Variants in EML6 observed in about 807,000 individuals in gnomAD.
EML6 encodes the protein EMAP like 6.
A neutral mutation model predicts 240.1 loss-of-function variants in EML6; 154 were observed. The observed-to-expected ratio is 0.64, with a 90% confidence interval of 0.56 to 0.73. The LOEUF (loss-of-function observed/expected upper bound fraction) is 0.73. EML6 is among the 30% of genes least tolerant of loss of function. EML6 has a pLI of 0.00. For synonymous variants in EML6, 1,148 were observed against 899.0 expected (o/e 1.28, Z -4.95); for missense variants, 2,964 against 2,474.6 (o/e 1.20, Z -4.20).
intron 2 of EML6, among the ~76,000 whole-genome samples, chr2:54,764,186 C>G (rs1668090188): frequency 6.6e-6 from 1 of 152,198 alleles, no homozygotes; most frequent in African/African-American, 2.4e-5. Context: ...TAGACAGCGG[C>G]CATTTATGCT....
rs529986706 is a variant in EML6, at chr2:54,885,778, A to G, written c.2439-5276A>G. Among the ~76,000 whole-genome samples, 10 of 151,940 alleles carry G rather than the reference A, an allele frequency of 6.6e-5. No individual in the cohort carries two copies. The South Asian group carries it at 2.1e-3, about 32-fold the overall frequency. On this transcript the variant is annotated intron_variant, in intron 17 of 41. Coordinates refer to ENST00000356458, the MANE Select transcript of EML6 (RefSeq NM_001039753.4). ...AGGCGCCAGCCACCGCGCCCGGCTA[A>G]TTTTTTGTATTTTTAGTAGAGATGG...
chr2:54,803,864 T>C (rs553348170), intron 2 of EML6, among the ~76,000 whole-genome samples: 35 of 152,322 alleles, frequency 2.3e-4, no homozygotes, highest in African/African-American at 7.7e-4. Flanking sequence ...CTCCCTGTGG[T>C]GCTGACTCTC....
At chr2:54,879,433 T>C (rs1217055385) in intron 16 of EML6, 114 bp from the exon 17 acceptor site, 2 of 689,914 alleles carry the variant, frequency 2.9e-6, no homozygotes, top group African/African-American at 1.8e-5. Flanking sequence ...ATCACATCCA[T>C]CACCTCAAAT....
intron 2 of EML6, among the ~76,000 whole-genome samples, chr2:54,752,048 G>A (rs1167723282): frequency 1.3e-5 from 2 of 152,088 alleles, no homozygotes; most frequent in East Asian, 3.8e-4. Context: ...TTAAGGATGA[G>A]TGCACTTTAG....
At chr2:54,928,222 C>A (rs1674659784) in intron 26 of EML6, 91 bp from the exon 27 acceptor site, 1 of 1,004,498 alleles carries the variant, frequency 1.0e-6, no homozygotes, top group Non-Finnish European at 1.5e-6. Flanking sequence ...TGAACTGTTT[C>A]CTTTGTATCC....
At chr2:54,857,457 G>C (rs943573233) in intron 11 of EML6, among the ~76,000 whole-genome samples, 34 of 152,348 alleles carry the variant, frequency 2.2e-4, no homozygotes, top group South Asian at 4.1e-4. Flanking sequence ...GTTAAATGCT[G>C]TCCTACGGGA....
At chr2:54,749,548 T>C (rs1438971691) in intron 2 of EML6, among the ~76,000 whole-genome samples, 3 of 152,192 alleles carry the variant, frequency 2.0e-5, no homozygotes, top group African/African-American at 4.8e-5. Flanking sequence ...ATTAATAATA[T>C]GTAATTATAT....
rs1447995901 is a variant in EML6, at chr2:54,928,409, G to A, written c.3772G>A (p.Gly1258Ser). The A allele has an allele frequency of 1.3e-5, 20 of 1,551,292 alleles. No homozygotes were observed. The highest frequency in any genetic ancestry group is 4.1e-5 in the African/African-American group (3 of 72,928). The change falls in exon 27 of 42, where the codon GGC becomes AGC. Residue 1258 changes from glycine to serine, a missense_variant. Transcript: ENST00000356458. ...HNDSVLLTVG[G>S]ADTALMIWTR... ...TGACTCTGTGCTGCTCACGGTGGGC[G>A]GCGCCGACACAGCCCTGATGATCTG...
chr2:54,943,477 C>A (rs967282842), intron 28 of EML6, among the ~76,000 whole-genome samples: 2 of 152,190 alleles, frequency 1.3e-5, no homozygotes, highest in Admixed American at 1.3e-4. Context: ...TATAAACTTA[C>A]ACATTTCTGC....
At chr2:54,906,608 A>T (rs1256407956) in intron 24 of EML6, among the ~76,000 whole-genome samples, 1 of 152,234 alleles carries the variant, frequency 6.6e-6, no homozygotes, top group Non-Finnish European at 1.5e-5. Flanking sequence ...CCCTGCAGGC[A>T]GGTGAGGGGG....
At chr2:54,936,796 A>C (rs989243385) in intron 28 of EML6, among the ~76,000 whole-genome samples, 2 of 152,206 alleles carry the variant, frequency 1.3e-5, no homozygotes, top group African/African-American at 4.8e-5. Flanking sequence ...TTCACCTGTC[A>C]CTGAAAAGAG....
intron 7 of EML6, among the ~76,000 whole-genome samples, chr2:54,830,748 G>A (rs186359900): frequency 6.7e-4 from 102 of 152,332 alleles, no homozygotes; most frequent in African/African-American, 2.1e-3. Flanking sequence ...ACAGGGAAAT[G>A]AGCTGGATAT....
intron 9 of EML6, among the ~76,000 whole-genome samples, chr2:54,849,571 C>T (rs1169683974): frequency 6.6e-6 from 1 of 152,246 alleles, no homozygotes; most frequent in Non-Finnish European, 1.5e-5. Context: ...TCACTGCAAA[C>T]TCTACCTCCC....
intron 9 of EML6, among the ~76,000 whole-genome samples, chr2:54,848,703 C>T (rs1669908840): frequency 6.6e-6 from 1 of 152,152 alleles, no homozygotes; most frequent in Non-Finnish European, 1.5e-5. Flanking sequence ...TCTTTACTGG[C>T]TCAGGGGACC....
At chr2:54,849,858 T>C (rs1669976832) in intron 9 of EML6, 104 bp from the exon 10 acceptor site, 1 of 851,936 alleles carries the variant, frequency 1.2e-6, no homozygotes, top group Admixed American at 2.7e-5. Flanking sequence ...TCCTGCAGGT[T>C]TGGTTCTCTT....
chr2:54,934,177 C>G (rs1219035970), intron 28 of EML6, among the ~76,000 whole-genome samples: 2 of 152,126 alleles, frequency 1.3e-5, no homozygotes, highest in Non-Finnish European at 2.9e-5. Context: ...TTTGTTCTTT[C>G]AAAACATACA....
At position 54,869,262 on chromosome 2, in the gene EML6, C is replaced by T. The variant is rs373878919; in HGVS notation, c.2133C>T (p.Val711=). Residue 711 remains valine (V), a synonymous_variant, in exon 15 of 42, where the codon GTC becomes GTT. Coordinates refer to ENST00000356458, the MANE Select transcript of EML6 (RefSeq NM_001039753.4). The part of the protein sequence containing the change: ...EVVYHIAAVA[V]VYNRQQHSQR... ...TCTACCACATTGCTGCAGTTGCTGT[C>T]GTGTATAATCGGCAGCAGCACTCCC... The T allele has an allele frequency of 1.4e-5, 22 of 1,551,372 alleles. No homozygotes were observed. The Middle Eastern group carries it at 5.0e-4, about 35-fold the overall frequency.
At chr2:54,809,658 G>A (rs1259695954) in intron 2 of EML6, among the ~76,000 whole-genome samples, 1 of 152,058 alleles carries the variant, frequency 6.6e-6, no homozygotes, top group African/African-American at 2.4e-5. Context: ...AAATGCTTCT[G>A]AACTAAAATT....
chr2:54,752,282 C>T (rs974255168), intron 2 of EML6, among the ~76,000 whole-genome samples: 15 of 152,190 alleles, frequency 9.9e-5, no homozygotes, highest in Non-Finnish European at 1.5e-4. Flanking sequence ...CCCCAAATAT[C>T]TGTTCACATT....
Sources: gnomAD v4.1 joint callset for allele counts (sites outside exome capture counted in the v4.1 genomes callset) on GRCh38, gnomAD v4.1.1 for gene constraint, MANE v1.5 for transcripts, NCBI Gene and HGNC (gene_info 2026-07-23, HGNC 2026-07-21) for gene names.